TIAM1: variants seen among roughly 807,000 people sequenced by gnomAD.
The protein encoded by TIAM1 is TIAM Rac1 associated GEF 1.
TIAM1 carries 65 observed loss-of-function variants against 163.5 expected under a neutral mutation model. That is an observed-to-expected ratio of 0.40 (90% CI 0.33 to 0.49). The LOEUF is 0.49. Ranked by LOEUF, TIAM1 falls within the 20% of genes least tolerant of loss-of-function variation. The pLI, the probability that TIAM1 is intolerant of heterozygous loss-of-function variation, is 0.77. For missense variants in TIAM1, 1,789 were observed against 2,044.7 expected, an observed-to-expected ratio of 0.87 and a Z score of 2.41; for synonymous variants, 833 against 810.1, an observed-to-expected ratio of 1.03 and a Z score of -0.48.
At chr21:31,172,036 C>A (rs1035916919) in intron 15 of TIAM1, among the ~76,000 whole-genome samples, 1 of 152,182 alleles carries the variant, frequency 6.6e-6, no homozygotes, top group African/African-American at 2.4e-5. Context: ...AGCCACAGAA[C>A]AGTGAGCAAG....
At chr21:31,353,387 A>G (rs1338141946) in intron 2 of TIAM1, among the ~76,000 whole-genome samples, 1 of 152,232 alleles carries the variant, frequency 6.6e-6, no homozygotes, top group Non-Finnish European at 1.5e-5. Context: ...TTCCTCTTCC[A>G]GTCACAGGCC....
At chr21:31,315,037 A>G (rs1569207035) in intron 2 of TIAM1, among the ~76,000 whole-genome samples, 1 of 152,164 alleles carries the variant, frequency 6.6e-6, no homozygotes, top group Admixed American at 6.5e-5. Context: ...GAGTCGCCAA[A>G]CCTCGCACCA....
chr21:31,419,992 C>T (rs538167595), intron 2 of TIAM1, among the ~76,000 whole-genome samples: 14 of 152,160 alleles, frequency 9.2e-5, no homozygotes, highest in African/African-American at 3.1e-4. Context: ...GAGGCTGCAG[C>T]GAGCCAAGAT....
At chr21:31,351,004 C>T (rs2076224982) in intron 2 of TIAM1, among the ~76,000 whole-genome samples, 1 of 152,170 alleles carries the variant, frequency 6.6e-6, no homozygotes, top group Non-Finnish European at 1.5e-5. Flanking sequence ...TGATGAGAAT[C>T]CACTTGTCTT....
chr21:31,416,303 C>T (rs1378690590), intron 2 of TIAM1, among the ~76,000 whole-genome samples: 1 of 152,184 alleles, frequency 6.6e-6, no homozygotes, highest in Non-Finnish European at 1.5e-5. Flanking sequence ...GCCTCAAATA[C>T]TGTGCATTCC....
At chr21:31,390,833 A>T (rs953377811) in intron 2 of TIAM1, among the ~76,000 whole-genome samples, 3 of 152,178 alleles carry the variant, frequency 2.0e-5, no homozygotes, top group Non-Finnish European at 2.9e-5. Context: ...TACATTCCAA[A>T]TGGAGGCTCC....
intron 13 of TIAM1, among the ~76,000 whole-genome samples, chr21:31,188,844 G>A (rs1229989783): frequency 6.6e-6 from 1 of 151,972 alleles, no homozygotes; most frequent in African/African-American, 2.4e-5. Context: ...ACAGTGTTGG[G>A]ATTACAGGCT....
At chr21:31,326,899 A>T (rs557439184) in intron 2 of TIAM1, among the ~76,000 whole-genome samples, 1 of 152,356 alleles carries the variant, frequency 6.6e-6, no homozygotes, top group African/African-American at 2.4e-5. Flanking sequence ...GTATACTAAC[A>T]TCTGTGGGCA....
intron 6 of TIAM1, among the ~76,000 whole-genome samples, chr21:31,239,388 C>G (rs565733974): frequency 2.6e-5 from 4 of 152,036 alleles, no homozygotes; most frequent in Non-Finnish European, 4.4e-5. Context: ...CCTTGGCCCC[C>G]CAAAGTGCTG....
At chr21:31,350,270 G>A (rs1344014197) in intron 2 of TIAM1, among the ~76,000 whole-genome samples, 1 of 151,996 alleles carries the variant, frequency 6.6e-6, no homozygotes, top group Admixed American at 6.6e-5. Context: ...CCAATTTAAT[G>A]GTATTTAATG....
At chr21:31,309,135 C>T (rs1026174982) in intron 2 of TIAM1, among the ~76,000 whole-genome samples, 2 of 152,078 alleles carry the variant, frequency 1.3e-5, no homozygotes, top group Non-Finnish European at 2.9e-5. Context: ...CTGTCAAAGA[C>T]GACTAGTAAC....
chr21:31,133,442 G>A (rs894955893), intron 23 of TIAM1, among the ~76,000 whole-genome samples: 7 of 152,218 alleles, frequency 4.6e-5, no homozygotes, highest in Non-Finnish European at 1.0e-4. Context: ...GACAGGTGCT[G>A]TGGGCCCGCC....
intron 2 of TIAM1, among the ~76,000 whole-genome samples, chr21:31,279,756 A>G (rs577184314): frequency 3.9e-4 from 59 of 152,308 alleles, no homozygotes; most frequent in Non-Finnish European, 7.4e-4. Context: ...ATCGGTTCTC[A>G]ATAAACATTA....
intron 1 of TIAM1, among the ~76,000 whole-genome samples, chr21:31,480,860 T>C (rs1013787054): frequency 6.6e-6 from 1 of 152,136 alleles, no homozygotes; most frequent in African/African-American, 2.4e-5. Context: ...TTCAGACAAT[T>C]CTCCTGCCTC....
At position 31,188,519 on chromosome 21, in the gene TIAM1, T is replaced by C. The variant is rs746868144; in HGVS notation, c.2576-1432A>G. ...AGAATGAATAGGATTCATCTAACTA[T>C]TGGAATTTCCTTTTTGAAATGCCAT... On this transcript the variant is annotated intron_variant, in intron 13 of 27. Coordinates refer to ENST00000541036, the MANE Select transcript of TIAM1 (RefSeq NM_001353694.2). Among the ~76,000 whole-genome samples the C allele has an allele frequency of 1.2e-3, 188 of 152,202 alleles. 1 individual carries two copies. The highest frequency in any genetic ancestry group is 2.7e-3 in the African/African-American group (114 of 41,468).
At chr21:31,337,070 G>A (rs1194510828) in intron 2 of TIAM1, among the ~76,000 whole-genome samples, 1 of 152,208 alleles carries the variant, frequency 6.6e-6, no homozygotes, top group Admixed American at 6.5e-5. Flanking sequence ...AGGCTGCCTG[G>A]TTCAAATCCT....
chr21:31,168,753 T>C (rs1301004790), intron 15 of TIAM1, among the ~76,000 whole-genome samples: 3 of 152,288 alleles, frequency 2.0e-5, no homozygotes, highest in Middle Eastern at 3.4e-3. Context: ...CCAAGGCATC[T>C]GGTAGGAGCA....
intron 13 of TIAM1, among the ~76,000 whole-genome samples, chr21:31,192,611 A>C (rs2085616355): frequency 7.4e-6 from 1 of 134,914 alleles, no homozygotes; most frequent in Non-Finnish European, 1.5e-5. Flanking sequence ...ACTGTGTCTT[A>C]AAAAAAAAAA....
chr21:31,353,977 A>G (rs1456437732), intron 2 of TIAM1, among the ~76,000 whole-genome samples: 2 of 150,732 alleles, frequency 1.3e-5, no homozygotes. Flanking sequence ...AGCTGGAATT[A>G]CAGGTGCCCG....
Sources: gnomAD v4.1 joint callset for allele counts (sites outside exome capture counted in the v4.1 genomes callset) on GRCh38, gnomAD v4.1.1 for gene constraint, MANE v1.5 for transcripts, NCBI Gene and HGNC (gene_info 2026-07-23, HGNC 2026-07-21) for gene names.